The following KSR2 variants were observed in gnomAD, a reference collection of about 807,000 sequenced individuals.
KSR2 encodes the protein kinase suppressor of ras 2.
In KSR2, 25 loss-of-function variants were observed where a neutral mutation model predicts 107.8. The observed-to-expected ratio is 0.23, with a 90% CI of 0.17 to 0.32. The LOEUF is 0.32. Among genes scored for constraint, KSR2 ranks in the 10% least tolerant of loss-of-function variants. KSR2 has a pLI of 1.00. For missense variants in KSR2, 887 were observed against 1,268.9 expected, an observed-to-expected ratio of 0.70 and a Z score of 4.57; for synonymous variants, 480 against 507.0, an observed-to-expected ratio of 0.95 and a Z score of 0.71.
In KSR2 at chr12:117,558,536, G is replaced by T. The variant is rs528611777; in HGVS notation, c.1363C>A (p.Pro455Thr). The T allele has an allele frequency of 6.2e-7, 1 of 1,613,936 alleles. No individual in the cohort carries two copies. Among genetic ancestry groups the T allele is most frequent in the East Asian group, 2.2e-5 (1 of 44,878 alleles). ...CHNKCTKEAP[P>T]CHLLIIHRGD... is the part of the protein sequence containing the mutation. Reference sequence around the variant, plus strand: ...CGGTGGATGATCAGAAGATGACAGGGTGGGGCTTCTTTGGTGCATTTGTTG... The same window carrying T: ...CGGTGGATGATCAGAAGATGACAGGTTGGGGCTTCTTTGGTGCATTTGTTG... Residue 455 changes from proline to threonine, a missense_variant, in exon 8 of 20, where the codon CCC (proline) becomes ACC (threonine). Pro to Thr is a conservative substitution (Grantham distance 38). This residue lies in a region of KSR2 where 60 missense variants were observed against 77.5 expected (regional missense o/e 0.77). Coordinates refer to ENST00000339824, the MANE Select transcript of KSR2 (RefSeq NM_173598.6).
intron 1 of KSR2, among the ~76,000 whole-genome samples, chr12:117,903,657 T>C (rs1394320334): frequency 6.6e-6 from 1 of 152,214 alleles, no homozygotes; most frequent in East Asian, 1.9e-4. Flanking sequence ...ATGTTTTACA[T>C]CATCTTATCT....
Position 117,855,474 on chromosome 12 carries a change from G to A in KSR2, c.426C>T (p.Ala142=), listed in dbSNP as rs1293282417. ...GGCAGGAGAGGGAGGCGTTGAGGCG[G>A]GCACACTCCTCCCGGTTGGCTCCGT... ...EKYGANREEC[A]RLNASLSCLR... Residue 142 remains alanine (A), a synonymous_variant, in exon 3 of 20, where the codon GCC becomes GCT. Transcript: ENST00000339824. 2 of 1,613,904 alleles carry A rather than the reference G, an allele frequency of 1.2e-6. No individual in the cohort carries two copies. Among genetic ancestry groups the A allele is most frequent in the Admixed American group, 3.3e-5 (2 of 60,000 alleles).
chr12:117,791,170 T>C (rs1435640224), intron 3 of KSR2, among the ~76,000 whole-genome samples: 1 of 152,088 alleles, frequency 6.6e-6, no homozygotes, highest in East Asian at 1.9e-4. Context: ...TTCTTTCCTT[T>C]ATGCCCACCA....
At chr12:117,621,585 A>T (rs1882198463) in intron 5 of KSR2, among the ~76,000 whole-genome samples, 1 of 152,164 alleles carries the variant, frequency 6.6e-6, no homozygotes, top group African/African-American at 2.4e-5. Flanking sequence ...ACAGAGCAAG[A>T]ATTTAGTGAT....
chr12:117,809,342 T>C (rs575583463), intron 3 of KSR2, among the ~76,000 whole-genome samples: 2 of 152,180 alleles, frequency 1.3e-5, no homozygotes, highest in Non-Finnish European at 2.9e-5. Context: ...GTCCTGTGTA[T>C]TGAAGGATGT....
At chr12:117,731,458 G>T (rs1397623038) in intron 4 of KSR2, among the ~76,000 whole-genome samples, 100 of 151,652 alleles carry the variant, frequency 6.6e-4, no homozygotes, top group Non-Finnish European at 9.3e-4. Flanking sequence ...TCCGGGAGGT[G>T]GGGGGCGCCT....
chr12:117,933,143 G>A (rs905069355), intron 1 of KSR2, among the ~76,000 whole-genome samples: 1 of 152,094 alleles, frequency 6.6e-6, no homozygotes, highest in Non-Finnish European at 1.5e-5. Flanking sequence ...ATGAGTGGTC[G>A]GTGATAACAC....
Position 117,667,601 on chromosome 12 carries a change from G to A in KSR2, c.1044C>T (p.Cys348=), listed in dbSNP as rs1884718848. The A allele has an allele frequency of 1.1e-5, 18 of 1,612,926 alleles. No homozygotes were observed. The highest frequency in any genetic ancestry group is 1.7e-4 in the Middle Eastern group (1 of 6,054). The change falls in exon 5 of 20, where the codon TGC becomes TGT. Residue 348 remains cysteine (C), a synonymous_variant. Coordinates refer to ENST00000339824, the MANE Select transcript of KSR2 (RefSeq NM_173598.6). ...NLKIHSSVGS[C]ENIPSQQRSP... ...AGCGCTGCTGAGAGGGGATGTTCTC[G>A]CAGCTGCCTACGCTGCTGTGGATCT... is the stretch of plus-strand genomic sequence containing the variant.
chr12:117,690,833 A>T (rs1330556008), intron 4 of KSR2, among the ~76,000 whole-genome samples: 1 of 152,216 alleles, frequency 6.6e-6, no homozygotes, highest in Admixed American at 6.5e-5. Context: ...ACACTGTGGT[A>T]CTTCAGTGGC....
intron 5 of KSR2, among the ~76,000 whole-genome samples, chr12:117,609,053 C>T (rs917924922): frequency 1.3e-5 from 2 of 152,120 alleles, no homozygotes; most frequent in Non-Finnish European, 2.9e-5. Flanking sequence ...ATCTCCACTT[C>T]TCACCTTGGC....
intron 3 of KSR2, among the ~76,000 whole-genome samples, chr12:117,782,280 T>C (rs1889913728): frequency 6.6e-6 from 1 of 152,202 alleles, no homozygotes; most frequent in African/African-American, 2.4e-5. Context: ...ACAGGTTTTT[T>C]TGAGACAGGG....
Position 117,860,312 on chromosome 12 carries a change from A to G in KSR2, c.300T>C (p.Asp100=). The G allele has an allele frequency of 6.2e-7, 1 of 1,613,658 alleles. No individual in the cohort carries two copies. The highest frequency in any genetic ancestry group is 8.5e-7 in the Non-Finnish European group (1 of 1,179,606). ...PQLRHWFRIV[D]VRKEVLEEIS... is the part of the protein sequence containing the mutation. The stretch of plus-strand genomic sequence containing the variant: ...TCACCTCCAGGACCTCCTTGCGCAC[A>G]TCGACGATTCGGAACCAGTGCCGTA... Residue 100 remains aspartate, a synonymous_variant, in exon 2 of 20, where the codon GAT becomes GAC. Transcript: ENST00000339824.
At chr12:117,715,747 GT>G (rs761873624) in intron 4 of KSR2, among the ~76,000 whole-genome samples, 3 of 152,150 alleles carry the variant, frequency 2.0e-5, no homozygotes, top group Non-Finnish European at 4.4e-5. Flanking sequence ...CCTTCTGCCT[GT>G]CCATAACTCT....
At chr12:117,768,797 A>G (rs544688417) in intron 3 of KSR2, among the ~76,000 whole-genome samples, 1 of 152,338 alleles carries the variant, frequency 6.6e-6, no homozygotes, top group East Asian at 1.9e-4. Flanking sequence ...CAATCCAACA[A>G]AGTGGGTGGA....
At chr12:117,652,368 T>C (rs931639391) in intron 5 of KSR2, among the ~76,000 whole-genome samples, 1 of 151,636 alleles carries the variant, frequency 6.6e-6, no homozygotes, top group Non-Finnish European at 1.5e-5. Flanking sequence ...ATCTCTGGCA[T>C]TGGCTAATTA....
At position 117,875,778 on chromosome 12, in the gene KSR2, C is replaced by T. The variant is rs114299133; in HGVS notation, c.181-15347G>A. On this transcript the variant is annotated intron_variant, in intron 1 of 19. Transcript: ENST00000339824. ...CAAGCTCCTCTCAATGCCACCATCA[C>T]GCCGCCCTGCTTTCTTTCCTTGGTG... is the stretch of plus-strand genomic sequence containing the variant. 2.6e-3 allele frequency among the ~76,000 whole-genome samples: 391 copies of T among 152,270 alleles called. 4 individuals carry two copies. Among genetic ancestry groups the T allele is most frequent in the African/African-American group, 8.9e-3 (368 of 41,562 alleles).
chr12:117,894,419 C>T (rs1314056969), intron 1 of KSR2, among the ~76,000 whole-genome samples: 1 of 152,120 alleles, frequency 6.6e-6, no homozygotes, highest in Non-Finnish European at 1.5e-5. Context: ...CATCCCAACA[C>T]TTTGGGAGGC....
At chr12:117,803,530 G>A (rs1292184413) in intron 3 of KSR2, among the ~76,000 whole-genome samples, 1 of 151,946 alleles carries the variant, frequency 6.6e-6, no homozygotes, top group African/African-American at 2.4e-5. Flanking sequence ...GTGAAACCCC[G>A]TCTCTACTAA....
Position 117,968,531 on chromosome 12 carries a change from C to T in KSR2, c.-276G>A. The T allele has an allele frequency of 1.6e-6, 2 of 1,214,102 alleles. No individual in the cohort carries two copies. Among genetic ancestry groups the T allele is most frequent in the Non-Finnish European group, 2.0e-6 (2 of 977,988 alleles). 75.2% of individuals were successfully genotyped at this position (1,214,102 alleles called of 1,614,324 possible). On this transcript the variant is annotated 5_prime_UTR_variant, in exon 1 of 20. Coordinates refer to ENST00000339824, the MANE Select transcript of KSR2 (RefSeq NM_173598.6). ...CTCTGGTCCCTGAAAAGGAGAGATGCTGTTTCTCAGAAGCAAACCAGGTGA... is the reference window on the plus strand; with the variant it reads ...CTCTGGTCCCTGAAAAGGAGAGATGTTGTTTCTCAGAAGCAAACCAGGTGA...
Sources: gnomAD v4.1 joint callset for allele counts (sites outside exome capture counted in the v4.1 genomes callset) on GRCh38, gnomAD v4.1.1 for gene constraint, gnomAD v4.1.1 regional missense constraint, MANE v1.5 for transcripts, NCBI Gene and HGNC (gene_info 2026-07-23, HGNC 2026-07-21) for gene names.